WDFY3: variants seen among roughly 807,000 people sequenced by gnomAD.
WDFY3 encodes WD repeat and FYVE domain-containing protein 3.
WDFY3 carries 66 observed loss-of-function variants against 409.6 expected under a neutral mutation model. The ratio of observed to expected loss-of-function variants is 0.16; its 90% CI spans 0.13 to 0.20. WDFY3 has a LOEUF of 0.20. Ranked by LOEUF, WDFY3 falls within the 10% of genes least tolerant of loss-of-function variation. WDFY3 has a pLI of 1.00. For missense variants in WDFY3, 3,031 were observed against 4,298.1 expected (o/e 0.71, Z 8.24); for synonymous variants, 1,521 against 1,537.1 (o/e 0.99, Z 0.25).
intron 30 of WDFY3, among the ~76,000 whole-genome samples, chr4:84,771,805 C>G (rs1429733502): frequency 1.3e-5 from 2 of 152,232 alleles, no homozygotes; most frequent in Non-Finnish European, 2.9e-5. Context: ...TTCTCATCCA[C>G]TGCTAATTTG....
intron 48 of WDFY3, among the ~76,000 whole-genome samples, chr4:84,717,513 A>G (rs1410587939): frequency 2.0e-5 from 3 of 152,194 alleles, no homozygotes; most frequent in Non-Finnish European, 2.9e-5. Context: ...TGAACTACAG[A>G]AACAATGTCT....
At chr4:84,828,410 T>C (rs1171977908) in intron 9 of WDFY3, among the ~76,000 whole-genome samples, 1 of 152,116 alleles carries the variant, frequency 6.6e-6, no homozygotes, top group African/African-American at 2.4e-5. Context: ...TACTATAAAA[T>C]AAAGAACCAA....
chr4:84,942,160 T>A (rs1178623441), intron 1 of WDFY3, among the ~76,000 whole-genome samples: 2 of 151,874 alleles, frequency 1.3e-5, no homozygotes, highest in Non-Finnish European at 2.9e-5. Flanking sequence ...TCTAACAGGA[T>A]ATAAAAAGTA....
intron 1 of WDFY3, among the ~76,000 whole-genome samples, chr4:84,941,012 C>T (rs1772042337): frequency 6.6e-6 from 1 of 151,942 alleles, no homozygotes; most frequent in African/African-American, 2.4e-5. Flanking sequence ...TAGAATGAAA[C>T]TTACTCAACC....
chr4:84,880,674 C>CACACATATATATAT (rs1218696740), intron 3 of WDFY3, among the ~76,000 whole-genome samples: 8 of 50,358 alleles, frequency 1.6e-4, no homozygotes, highest in Non-Finnish European at 2.4e-4. Context: ...GGGAACCATA[C>CACACATATATATAT]ATATATATAT....
chr4:84,702,141 G>A (rs1218818644), intron 56 of WDFY3, among the ~76,000 whole-genome samples: 4 of 152,146 alleles, frequency 2.6e-5, no homozygotes, highest in Non-Finnish European at 4.4e-5. Flanking sequence ...CTAAGTAGCT[G>A]GGATTACAGG....
chr4:84,820,796 C>T (rs1266325544), intron 11 of WDFY3, among the ~76,000 whole-genome samples: 1 of 152,054 alleles, frequency 6.6e-6, no homozygotes, highest in Non-Finnish European at 1.5e-5. Flanking sequence ...CTTAGAAGCA[C>T]AAGGCAGTAG....
At chr4:84,873,622 A>AC (rs1762402162) in intron 3 of WDFY3, among the ~76,000 whole-genome samples, 1 of 54,526 alleles carries the variant, frequency 1.8e-5, no homozygotes, top group South Asian at 4.5e-4. Context: ...AAGAAAGCAG[A>AC]AAAAAGAAAT....
intron 36 of WDFY3, among the ~76,000 whole-genome samples, chr4:84,750,417 G>A (rs1740313459): frequency 6.6e-6 from 1 of 151,930 alleles, no homozygotes. Context: ...ATAAACATGT[G>A]GTTTTCAGGT....
At chr4:84,867,858 ACAGTTTCAT>A in intron 3 of WDFY3, among the ~76,000 whole-genome samples, 1 of 152,186 alleles carries the variant, frequency 6.6e-6, no homozygotes, top group Non-Finnish European at 1.5e-5. Flanking sequence ...GTGAAATCTT[ACAGTTTCAT>A]CAAAGAATTA....
intron 1 of WDFY3, among the ~76,000 whole-genome samples, chr4:84,956,131 A>T (rs1381734798): frequency 6.6e-6 from 1 of 152,234 alleles, no homozygotes; most frequent in East Asian, 1.9e-4. Context: ...GAACAGAAGG[A>T]AACATGCTAG....
intron 45 of WDFY3, among the ~76,000 whole-genome samples, 166 bp downstream of exon 45, chr4:84,726,695 G>C (rs557783275): frequency 6.6e-6 from 1 of 151,984 alleles, no homozygotes; most frequent in East Asian, 1.9e-4. Flanking sequence ...ACATCTCTCA[G>C]CCTGAATGAA....
intron 15 of WDFY3, among the ~76,000 whole-genome samples, chr4:84,807,190 G>A (rs553990300): frequency 2.6e-5 from 4 of 151,886 alleles, no homozygotes; most frequent in Non-Finnish European, 5.9e-5. Flanking sequence ...AAAAATACAC[G>A]ATATCAACTC....
chr4:84,942,889 T>C (rs1772324647), intron 1 of WDFY3, among the ~76,000 whole-genome samples: 1 of 152,210 alleles, frequency 6.6e-6, no homozygotes, highest in African/African-American at 2.4e-5. Flanking sequence ...TTTTAAATGG[T>C]GAAGCATGTT....
chr4:84,682,624 A>T (rs1727567915), intron 63 of WDFY3, 154 bp from the exon 64 acceptor site: 1 of 655,654 alleles, frequency 1.5e-6, no homozygotes, highest in South Asian at 2.0e-5. Flanking sequence ...AAGATGTGGC[A>T]GCGGGCTGCC....
At chr4:84,903,006 G>A (rs1027618866) in intron 2 of WDFY3, among the ~76,000 whole-genome samples, 2 of 152,170 alleles carry the variant, frequency 1.3e-5, no homozygotes, top group Non-Finnish European at 2.9e-5. Context: ...AGTAAATTAT[G>A]TTGTTGAATG....
Position 84,859,291 on chromosome 4 carries a change from T to C in WDFY3, c.180+1121A>G, listed in dbSNP as rs71597390. 2.7e-3 allele frequency among the ~76,000 whole-genome samples: 417 copies of C among 152,262 alleles called. 1 individual carries two copies. Among genetic ancestry groups the C allele is most frequent in the Admixed American group, 4.4e-3 (67 of 15,296 alleles). Reference sequence around the variant, plus strand: ...ATACTGCTTACACAAGTAGCCTAACTATAGGGAAAGGATGAGGAGGGCAGC... The same window carrying C: ...ATACTGCTTACACAAGTAGCCTAACCATAGGGAAAGGATGAGGAGGGCAGC... On this transcript the variant is annotated intron_variant, in intron 4 of 67. Coordinates refer to ENST00000295888, the MANE Select transcript of WDFY3 (RefSeq NM_014991.6).
intron 1 of WDFY3, among the ~76,000 whole-genome samples, chr4:84,955,858 C>T (rs909307790): frequency 6.6e-6 from 1 of 151,924 alleles, no homozygotes; most frequent in African/African-American, 2.4e-5. Flanking sequence ...GAATCCTAGG[C>T]AGGATAATTA....
intron 2 of WDFY3, among the ~76,000 whole-genome samples, chr4:84,900,094 T>G (rs368717056): frequency 2.0e-5 from 3 of 152,058 alleles, no homozygotes; most frequent in East Asian, 3.9e-4. Context: ...AAACTTACAT[T>G]CACACAAAAC....
Sources: gnomAD v4.1 joint callset for allele counts (sites outside exome capture counted in the v4.1 genomes callset) on GRCh38, gnomAD v4.1.1 for gene constraint, MANE v1.5 for transcripts, NCBI Gene and HGNC (gene_info 2026-07-23, HGNC 2026-07-21) for gene names.